GFRA1: variants seen among roughly 807,000 people sequenced by gnomAD.
GFRA1 encodes GDNF family receptor alpha-1.
GFRA1 carries 16 observed loss-of-function variants against 51.6 expected under a neutral mutation model. That is an observed-to-expected ratio of 0.31 (90% confidence interval 0.21 to 0.47). The LOEUF (loss-of-function observed/expected upper bound fraction) is 0.47. Among genes scored for constraint, GFRA1 ranks in the 20% least tolerant of loss-of-function variants. The probability of loss-of-function intolerance (pLI) is 1.00; values close to 1 mark genes in which losing one functional copy is unlikely to be tolerated. For missense variants in GFRA1, 530 were observed against 594.3 expected, an observed-to-expected ratio of 0.89 and a Z score of 1.13; for synonymous variants, 270 against 241.3, an observed-to-expected ratio of 1.12 and a Z score of -1.10.
intron 5 of GFRA1, among the ~76,000 whole-genome samples, chr10:116,172,898 C>A (rs1961181310): frequency 6.6e-6 from 1 of 152,132 alleles, no homozygotes; most frequent in African/African-American, 2.4e-5. Flanking sequence ...TAAGAAAATG[C>A]ATAGTCAGAA....
At chr10:116,082,638 G>GC (rs765666141) in intron 9 of GFRA1, among the ~76,000 whole-genome samples, 5 of 151,972 alleles carry the variant, frequency 3.3e-5, no homozygotes, top group Non-Finnish European at 7.4e-5. Flanking sequence ...GTGCCACCAT[G>GC]CTGGCTAATT....
At chr10:116,198,889 G>A (rs932802409) in intron 5 of GFRA1, among the ~76,000 whole-genome samples, 5 of 152,124 alleles carry the variant, frequency 3.3e-5, no homozygotes, top group South Asian at 2.1e-4. Context: ...GTTAAAATGC[G>A]GTCACGATGG....
At chr10:116,262,029 T>C (rs953481170) in intron 4 of GFRA1, among the ~76,000 whole-genome samples, 3 of 152,218 alleles carry the variant, frequency 2.0e-5, no homozygotes, top group Admixed American at 6.5e-5. Flanking sequence ...TTTGCTACTG[T>C]GTCCCAGAGA....
At chr10:116,168,422 T>TCCATAGCATGTGTAAACCAGTTC (rs1960705449) in intron 5 of GFRA1, among the ~76,000 whole-genome samples, 1 of 152,168 alleles carries the variant, frequency 6.6e-6, no homozygotes, top group Non-Finnish European at 1.5e-5. Flanking sequence ...AAACAGAGTT[T>TCCATAGCATGTGTAAACCAGTTC]CCATAGCATG....
At chr10:116,268,905 G>A (rs1050381796) in intron 4 of GFRA1, among the ~76,000 whole-genome samples, 14 of 152,246 alleles carry the variant, frequency 9.2e-5, no homozygotes, top group African/African-American at 3.4e-4. Flanking sequence ...CAAACCATGG[G>A]AAGCGAGACT....
intron 8 of GFRA1, among the ~76,000 whole-genome samples, chr10:116,091,173 T>C (rs1391638162): frequency 4.6e-5 from 7 of 152,198 alleles, no homozygotes; most frequent in Admixed American, 4.6e-4. Context: ...CCCAGTGTGT[T>C]TGCCTTGCCA....
chr10:116,248,039 A>T (rs1160068479), intron 4 of GFRA1, among the ~76,000 whole-genome samples: 1 of 152,224 alleles, frequency 6.6e-6, no homozygotes, highest in African/African-American at 2.4e-5. Flanking sequence ...GGTGGTGGGT[A>T]CACAGGGGTT....
intron 8 of GFRA1, among the ~76,000 whole-genome samples, 176 bp from the exon 9 acceptor site, chr10:116,090,098 T>C (rs1956271588): frequency 2.0e-5 from 3 of 152,174 alleles, no homozygotes. Flanking sequence ...TGGGGTCAGT[T>C]GCTCAAAAAT....
At chr10:116,274,187 C>T (rs572445046), upstream of GFRA1, among the ~76,000 whole-genome samples, 11 of 144,166 alleles carry the variant, frequency 7.6e-5, no homozygotes, top group African/African-American at 2.7e-4. Context: ...GCCTGACACA[C>T]GCTCCCCTTC....
At chr10:116,185,494 T>G (rs1466419961) in intron 5 of GFRA1, among the ~76,000 whole-genome samples, 1 of 152,162 alleles carries the variant, frequency 6.6e-6, no homozygotes, top group African/African-American at 2.4e-5. Flanking sequence ...GGAGCACCCC[T>G]GGCACCAAGC....
intron 4 of GFRA1, among the ~76,000 whole-genome samples, chr10:116,253,687 G>C (rs1968576919): frequency 6.6e-6 from 1 of 152,122 alleles, no homozygotes; most frequent in Non-Finnish European, 1.5e-5. Context: ...CAAGTCCAGG[G>C]CCTTCTTCCT....
intron 4 of GFRA1, among the ~76,000 whole-genome samples, chr10:116,249,053 T>C (rs1354274574): frequency 1.3e-5 from 2 of 152,214 alleles, no homozygotes; most frequent in African/African-American, 4.8e-5. Flanking sequence ...CCCGCCCCTT[T>C]GCCCCACACA....
At chr10:116,197,711 C>T (rs1031170636) in intron 5 of GFRA1, among the ~76,000 whole-genome samples, 1 of 152,142 alleles carries the variant, frequency 6.6e-6, no homozygotes, top group Non-Finnish European at 1.5e-5. Context: ...AGAAGTGCTA[C>T]AAAGAAATTA....
At chr10:116,141,567 T>A (rs1330206342) in intron 5 of GFRA1, among the ~76,000 whole-genome samples, 1 of 149,348 alleles carries the variant, frequency 6.7e-6, no homozygotes, top group Non-Finnish European at 1.5e-5. Flanking sequence ...TTTGGACCTA[T>A]GTCCTCTTCT....
chr10:116,226,973 G>A (rs1188321288), intron 4 of GFRA1, among the ~76,000 whole-genome samples: 1 of 152,142 alleles, frequency 6.6e-6, no homozygotes, highest in African/African-American at 2.4e-5. Flanking sequence ...GGGCAATGGG[G>A]AGCGGCTGTA....
At chr10:116,086,120 T>C (rs918116797) in intron 9 of GFRA1, among the ~76,000 whole-genome samples, 1 of 152,180 alleles carries the variant, frequency 6.6e-6, no homozygotes, top group Non-Finnish European at 1.5e-5. Context: ...TTGCTCCATT[T>C]GTAAAAGGCA....
intron 5 of GFRA1, among the ~76,000 whole-genome samples, chr10:116,201,834 C>A (rs561515248): frequency 6.6e-6 from 1 of 152,214 alleles, no homozygotes; most frequent in East Asian, 1.9e-4. Context: ...ACCTCTGCCA[C>A]CTACTCCAAA....
intron 5 of GFRA1, among the ~76,000 whole-genome samples, chr10:116,129,865 T>C (rs1958033456): frequency 6.6e-6 from 1 of 151,956 alleles, no homozygotes; most frequent in Non-Finnish European, 1.5e-5. Context: ...TAGGATTTTT[T>C]TGAGTCTACA....
intron 4 of GFRA1, among the ~76,000 whole-genome samples, chr10:116,261,136 T>C (rs1040941103): frequency 6.6e-6 from 1 of 152,110 alleles, no homozygotes; most frequent in African/African-American, 2.4e-5. Context: ...AAGTGTAGTA[T>C]CCTAAGGGGG....
Sources: allele counts gnomAD v4.1 joint callset (sites outside exome capture counted in the v4.1 genomes callset), GRCh38; gene constraint gnomAD v4.1.1; transcripts MANE v1.5; gene names NCBI Gene and HGNC (gene_info 2026-07-23, HGNC 2026-07-21).